TMEM132D: variants seen among roughly 807,000 people sequenced by gnomAD.
TMEM132D encodes the protein mature OL transmembrane protein.
A neutral mutation model predicts 62.3 loss-of-function variants in TMEM132D; 21 were observed. That is an observed-to-expected ratio of 0.34 (90% CI 0.24 to 0.49). The LOEUF is 0.49. Ranked by LOEUF, TMEM132D falls within the 20% of genes least tolerant of loss-of-function variation. TMEM132D has a pLI of 0.99. For synonymous variants in TMEM132D, 621 were observed against 575.6 expected (o/e 1.08, Z -1.13); for missense variants, 1,346 against 1,402.8 (o/e 0.96, Z 0.65).
chr12:129,347,362 T>C (rs1464382807), intron 3 of TMEM132D, among the ~76,000 whole-genome samples: 3 of 152,192 alleles, frequency 2.0e-5, no homozygotes, highest in East Asian at 3.9e-4. Context: ...AAAACAGATA[T>C]AGAGACCAAT....
At chr12:129,578,514 C>T (rs1016888594) in intron 2 of TMEM132D, among the ~76,000 whole-genome samples, 7 of 150,174 alleles carry the variant, frequency 4.7e-5, no homozygotes, top group Non-Finnish European at 8.8e-5. Context: ...AATACACATG[C>T]GCACACACAC....
chr12:129,445,823 G>A (rs906324361), intron 3 of TMEM132D, among the ~76,000 whole-genome samples: 5 of 152,156 alleles, frequency 3.3e-5, no homozygotes, highest in Admixed American at 2.6e-4. Context: ...AGCAGACGCT[G>A]AGATGCATTT....
At chr12:129,769,447 A>T (rs1206793451) in intron 1 of TMEM132D, among the ~76,000 whole-genome samples, 1 of 152,182 alleles carries the variant, frequency 6.6e-6, no homozygotes, top group African/African-American at 2.4e-5. Flanking sequence ...TGATTCAATT[A>T]TCTCCACCTG....
At chr12:129,766,136 G>T (rs1353101200) in intron 1 of TMEM132D, among the ~76,000 whole-genome samples, 1 of 152,050 alleles carries the variant, frequency 6.6e-6, no homozygotes, top group Non-Finnish European at 1.5e-5. Context: ...TTGAAATGGG[G>T]TGGCTGCTTC....
intron 3 of TMEM132D, among the ~76,000 whole-genome samples, chr12:129,457,964 T>C (rs1873532656): frequency 6.6e-6 from 1 of 152,138 alleles, no homozygotes; most frequent in East Asian, 1.9e-4. Context: ...CCCTGGTGCA[T>C]TGCCTGATCT....
At chr12:129,360,441 A>G (rs1566044792) in intron 3 of TMEM132D, among the ~76,000 whole-genome samples, 2 of 152,302 alleles carry the variant, frequency 1.3e-5, no homozygotes, top group South Asian at 2.1e-4. Context: ...GGTGGGTTCA[A>G]TGAGGATGGA....
chr12:129,113,923 G>T (rs1192370834), intron 5 of TMEM132D, among the ~76,000 whole-genome samples: 7 of 151,920 alleles, frequency 4.6e-5, no homozygotes, highest in African/African-American at 1.7e-4. Context: ...TCTCCCAGCT[G>T]GGTAGGGGAT....
Position 129,073,983 on chromosome 12 carries a change from G to C in TMEM132D, c.3192C>G (p.Ser1064=), listed in dbSNP as rs1874160792. The change falls in exon 9 of 9, where the codon TCC becomes TCG. Residue 1064 remains serine (S), a synonymous_variant. Coordinates refer to ENST00000422113, the MANE Select transcript of TMEM132D (RefSeq NM_133448.3). ...TGTCATCCTCGCTACTCATCACGAT[G>C]GAGTTCCTGGTGGGGTACTCGTCGT... The part of the protein sequence containing the change: ...SSDDEYPTRN[S]IVMSSEDDIK... 1 of 1,613,868 alleles carries C rather than the reference G, an allele frequency of 6.2e-7. No homozygotes were observed. Among genetic ancestry groups the C allele is most frequent in the East Asian group, 2.2e-5 (1 of 44,854 alleles).
chr12:129,769,020 C>T (rs755738824), intron 1 of TMEM132D, among the ~76,000 whole-genome samples: 2 of 152,120 alleles, frequency 1.3e-5, no homozygotes, highest in African/African-American at 2.4e-5. Flanking sequence ...AGGATTGGTG[C>T]ATGTAGGCCA....
intron 5 of TMEM132D, among the ~76,000 whole-genome samples, chr12:129,164,067 A>G (rs1385678119): frequency 6.6e-6 from 1 of 152,220 alleles, no homozygotes; most frequent in Non-Finnish European, 1.5e-5. Flanking sequence ...CAGCACTTCA[A>G]GGAGTTACCC....
In TMEM132D at chr12:129,719,816, G is replaced by A. The variant is rs577261548; in HGVS notation, c.80-19118C>T. ...CTCTGTGACAAGTTTATTTCACCCT[G>A]ACAGAGAAAATATCTGGTTCTAAGC... On this transcript the variant is annotated intron_variant, in intron 1 of 8. Coordinates refer to ENST00000422113, the MANE Select transcript of TMEM132D (RefSeq NM_133448.3). Among the ~76,000 whole-genome samples, 4 of 152,288 alleles carry A rather than the reference G, an allele frequency of 2.6e-5. No homozygotes were observed. The East Asian group carries it at 5.8e-4, about 22-fold the overall frequency.
intron 3 of TMEM132D, among the ~76,000 whole-genome samples, chr12:129,396,099 A>T (rs1216621712): frequency 1.3e-5 from 2 of 150,814 alleles, no homozygotes; most frequent in Non-Finnish European, 2.9e-5. Context: ...ATACAGATAT[A>T]GGTATGTCTT....
chr12:129,205,123 A>G (rs1304878871), intron 5 of TMEM132D, among the ~76,000 whole-genome samples: 2 of 152,098 alleles, frequency 1.3e-5, no homozygotes, highest in Admixed American at 6.5e-5. Context: ...AAACAAATCT[A>G]TGGCTAACAA....
intron 5 of TMEM132D, among the ~76,000 whole-genome samples, chr12:129,166,679 A>G (rs1264780153): frequency 5.1e-5 from 4 of 77,742 alleles, no homozygotes; most frequent in Non-Finnish European, 9.3e-5. Flanking sequence ...AAGGACATAT[A>G]TATACACATA....
intron 3 of TMEM132D, among the ~76,000 whole-genome samples, chr12:129,526,710 G>A (rs1352417268): frequency 1.3e-5 from 2 of 152,224 alleles, no homozygotes; most frequent in African/African-American, 4.8e-5. Context: ...AGATGCAAGA[G>A]AGAGAAATAG....
rs1322871503 is a variant in TMEM132D at position 129,867,992 on chromosome 12, CAT to C, written c.79+35267_79+35268del. On this transcript the variant is annotated intron_variant, in intron 1 of 8. Coordinates refer to ENST00000422113, the MANE Select transcript of TMEM132D (RefSeq NM_133448.3). The surrounding 1 kb of genome is among the most constrained non-coding windows in gnomAD (Gnocchi z 4.5). ...TGAGACAGCATTTGTACGGTACACA[CAT>C]GAGGCGGCGTTTCTATGGTACATAC... Among the ~76,000 whole-genome samples the C allele has an allele frequency of 1.5e-4, 23 of 152,264 alleles. No individual in the cohort carries two copies. The highest frequency in any genetic ancestry group is 4.8e-4 in the African/African-American group (20 of 41,552).
intron 4 of TMEM132D, among the ~76,000 whole-genome samples, chr12:129,215,516 TAAG>T (rs1431858249): frequency 3.9e-5 from 6 of 152,140 alleles, no homozygotes; most frequent in Non-Finnish European, 7.4e-5. Context: ...GTGAAAAAAA[TAAG>T]AAGAACTAAG....
chr12:129,372,892 T>C (rs186488455), intron 3 of TMEM132D, among the ~76,000 whole-genome samples: 1 of 152,266 alleles, frequency 6.6e-6, no homozygotes, highest in East Asian at 1.9e-4. Context: ...TATCCCAGAA[T>C]CATCCCCAAA....
At chr12:129,303,823 TG>T (rs1332245375) in intron 4 of TMEM132D, among the ~76,000 whole-genome samples, 1 of 111,770 alleles carries the variant, frequency 8.9e-6, no homozygotes, top group African/African-American at 3.4e-5. Flanking sequence ...GAACTGTGGG[TG>T]GGTGGGTTGA....
Sources: allele counts gnomAD v4.1 joint callset (sites outside exome capture counted in the v4.1 genomes callset), GRCh38; gene constraint gnomAD v4.1.1; non-coding constraint Gnocchi (gnomAD v3.1); transcripts MANE v1.5; gene names NCBI Gene and HGNC (gene_info 2026-07-23, HGNC 2026-07-21).